POU2F1: variants seen among roughly 807,000 people sequenced by gnomAD.
The protein encoded by POU2F1 is POU class 2 homeobox 1.
POU2F1 carries 16 observed loss-of-function variants against 84.9 expected under a neutral mutation model. The observed-to-expected ratio is 0.19, with a 90% confidence interval of 0.13 to 0.29. POU2F1 has a LOEUF of 0.29. Ranked by LOEUF, POU2F1 falls within the 10% of genes least tolerant of loss-of-function variation. The probability of loss-of-function intolerance (pLI) is 1.00; values close to 1 mark genes in which losing one functional copy is unlikely to be tolerated. For synonymous variants in POU2F1, 368 were observed against 368.3 expected (o/e 1.00, Z 0.01); for missense variants, 738 against 942.6 (o/e 0.78, Z 2.84).
intron 1 of POU2F1, among the ~76,000 whole-genome samples, chr1:167,320,572 C>T (rs552795446): frequency 6.6e-6 from 1 of 152,252 alleles, no homozygotes; most frequent in African/African-American, 2.4e-5. Flanking sequence ...AGGATCATAT[C>T]CATGTAATTT....
intron 1 of POU2F1, among the ~76,000 whole-genome samples, chr1:167,322,884 T>C (rs114009692): frequency 8.5e-5 from 13 of 152,374 alleles, no homozygotes; most frequent in African/African-American, 3.1e-4. Context: ...CATACTATTG[T>C]TTGTGGTTCA....
chr1:167,361,384 G>A (rs1217136433), intron 2 of POU2F1, among the ~76,000 whole-genome samples: 3 of 152,090 alleles, frequency 2.0e-5, no homozygotes, highest in Admixed American at 1.3e-4. Flanking sequence ...TTATTATAAA[G>A]GGATGTTAGA....
intron 2 of POU2F1, among the ~76,000 whole-genome samples, chr1:167,353,915 T>C (rs990763110): frequency 2.6e-5 from 4 of 152,240 alleles, no homozygotes; most frequent in Admixed American, 1.3e-4. Flanking sequence ...GAAGTTAGCG[T>C]TAATGGTGAC....
chr1:167,401,965 C>T (rs1033021995), intron 13 of POU2F1, among the ~76,000 whole-genome samples: 8 of 152,188 alleles, frequency 5.3e-5, no homozygotes, highest in Non-Finnish European at 7.4e-5. Context: ...TATTCTTTAG[C>T]TTTCCCAGGA....
In POU2F1 at chr1:167,415,831, CAGAAG is replaced by C. The variant is rs778300514; in HGVS notation, c.*22_*26del. On this transcript the variant is annotated 3_prime_UTR_variant, in exon 16 of 16. Coordinates refer to ENST00000367866, the MANE Select transcript of POU2F1 (RefSeq NM_002697.4). ...AGTGAGCTGGGCAGAGCTGGGCTGC[CAGAAG>C]CCTTTTTCACTCTGCAGTGTGATTG... The C allele has an allele frequency of 5.6e-6, 9 of 1,598,476 alleles. No homozygotes were observed. The African/African-American group carries it at 1.2e-4, about 22-fold the overall frequency.
intron 1 of POU2F1, among the ~76,000 whole-genome samples, chr1:167,295,552 C>T (rs1434920214): frequency 6.6e-6 from 1 of 152,132 alleles, no homozygotes; most frequent in Non-Finnish European, 1.5e-5. Flanking sequence ...GATAAAAAAA[C>T]TACATAATGG....
At chr1:167,224,337 C>T (rs1392896324) in intron 1 of POU2F1, among the ~76,000 whole-genome samples, 1 of 152,112 alleles carries the variant, frequency 6.6e-6, no homozygotes, top group Non-Finnish European at 1.5e-5. Context: ...CCTTAGAATC[C>T]ATTTCAGTGA....
chr1:167,369,311 T>A (rs1168759510), intron 3 of POU2F1, among the ~76,000 whole-genome samples: 1 of 152,190 alleles, frequency 6.6e-6, no homozygotes, highest in East Asian at 1.9e-4. Flanking sequence ...TCCTGGTGAC[T>A]CTTGTTTGTG....
At chr1:167,338,454 C>T (rs969114780) in intron 2 of POU2F1, among the ~76,000 whole-genome samples, 9 of 152,066 alleles carry the variant, frequency 5.9e-5, no homozygotes, top group Non-Finnish European at 1.2e-4. Context: ...TTTGTGGGGT[C>T]GACACCCTTG....
chr1:167,303,776 A>G (rs1450362698), intron 1 of POU2F1, among the ~76,000 whole-genome samples: 1 of 152,158 alleles, frequency 6.6e-6, no homozygotes, highest in Non-Finnish European at 1.5e-5. Flanking sequence ...CCAGCCAGCA[A>G]TGGAAAATAG....
chr1:167,283,596 A>G (rs557820906), intron 1 of POU2F1, among the ~76,000 whole-genome samples: 10 of 152,328 alleles, frequency 6.6e-5, no homozygotes, highest in African/African-American at 2.4e-4. Flanking sequence ...AGTCTGAAAT[A>G]GTTGCTTTCT....
chr1:167,296,313 CAT>C (rs1016340367), intron 1 of POU2F1, among the ~76,000 whole-genome samples: 1 of 152,102 alleles, frequency 6.6e-6, no homozygotes, highest in African/African-American at 2.4e-5. Context: ...AGAACTTTCT[CAT>C]ATTGTAACAC....
At chr1:167,225,219 T>G (rs1364694300) in intron 1 of POU2F1, among the ~76,000 whole-genome samples, 1 of 152,226 alleles carries the variant, frequency 6.6e-6, no homozygotes, top group East Asian at 1.9e-4. Flanking sequence ...GACCAACTGT[T>G]TTTGATTTCT....
At chr1:167,336,068 A>G (rs1657424748) in intron 2 of POU2F1, among the ~76,000 whole-genome samples, 1 of 152,250 alleles carries the variant, frequency 6.6e-6, no homozygotes, top group Admixed American at 6.5e-5. Flanking sequence ...ATATGTAGAT[A>G]CTATTTTATC....
chr1:167,261,201 C>CT (rs1417990182), intron 1 of POU2F1, among the ~76,000 whole-genome samples: 2 of 152,078 alleles, frequency 1.3e-5, no homozygotes, highest in Non-Finnish European at 2.9e-5. Context: ...CAAGCAAGCG[C>CT]TATAAGGACT....
In POU2F1 at chr1:167,332,492, A is replaced by C. The variant is rs1157603738; in HGVS notation, c.84A>C (p.Ser28=). The change falls in exon 2 of 16, where the codon TCA becomes TCC. Residue 28 remains serine, a synonymous_variant. Transcript: ENST00000367866. Reference sequence around the variant, plus strand: ...CAGACTCAAGAATGAACAATCCGTCAGAAACCAGTAAACCATCTATGGAGA... The same window carrying C: ...CAGACTCAAGAATGAACAATCCGTCCGAAACCAGTAAACCATCTATGGAGA... The part of the protein sequence containing the change: ...AAADSRMNNP[S]ETSKPSMESG... 5 of 1,610,578 alleles carry C rather than the reference A, an allele frequency of 3.1e-6. No individual in the cohort carries two copies.
intron 1 of POU2F1, among the ~76,000 whole-genome samples, chr1:167,264,605 T>C (rs745646428): frequency 6.6e-6 from 1 of 152,198 alleles, no homozygotes; most frequent in Non-Finnish European, 1.5e-5. Context: ...ATTAATAATA[T>C]ATCCAAAATT....
intron 1 of POU2F1, among the ~76,000 whole-genome samples, chr1:167,276,173 G>A (rs1008628999): frequency 1.3e-5 from 2 of 152,104 alleles, no homozygotes; most frequent in African/African-American, 4.8e-5. Flanking sequence ...GAAATCTCAC[G>A]GCATCCCACT....
chr1:167,328,642 C>G (rs1242805686), intron 1 of POU2F1, among the ~76,000 whole-genome samples: 2 of 152,160 alleles, frequency 1.3e-5, no homozygotes, highest in Admixed American at 6.5e-5. Context: ...TACCTCCCTT[C>G]TCCCTTGGTA....
Sources: allele counts gnomAD v4.1 joint callset (sites outside exome capture counted in the v4.1 genomes callset), GRCh38; gene constraint gnomAD v4.1.1; transcripts MANE v1.5; gene names NCBI Gene and HGNC (gene_info 2026-07-23, HGNC 2026-07-21).